The following NRG3 variants were observed in gnomAD, a reference collection of about 807,000 sequenced individuals.
NRG3 encodes neuregulin 3.
Under a neutral mutation model 66.9 loss-of-function variants are expected in NRG3, and 31 were observed. That is an observed-to-expected ratio of 0.46 (90% confidence interval 0.35 to 0.63). The LOEUF (loss-of-function observed/expected upper bound fraction) is 0.63, where lower values mean the gene tolerates loss of function less well. Ranked by LOEUF, NRG3 falls within the 20% of genes least tolerant of loss-of-function variation. The pLI is 0.00. For synonymous variants in NRG3, 393 were observed against 359.4 expected (o/e 1.09, Z -1.06); for missense variants, 910 against 878.9 (o/e 1.04, Z -0.45).
chr10:82,112,107 G>T (rs2067422540), intron 1 of NRG3, among the ~76,000 whole-genome samples: 1 of 152,124 alleles, frequency 6.6e-6, no homozygotes, highest in African/African-American at 2.4e-5. Context: ...AGCTGGGCAT[G>T]GTGGCACATG....
At chr10:82,463,755 T>C (rs1176265065) in intron 2 of NRG3, among the ~76,000 whole-genome samples, 2 of 152,202 alleles carry the variant, frequency 1.3e-5, no homozygotes. Flanking sequence ...CCAGAACCTA[T>C]GCATTTGTAC....
At chr10:82,666,808 T>C (rs2052824313) in intron 2 of NRG3, among the ~76,000 whole-genome samples, 1 of 152,228 alleles carries the variant, frequency 6.6e-6, no homozygotes, top group Admixed American at 6.5e-5. Flanking sequence ...AATCTGAAAA[T>C]AGAACACTTT....
At chr10:82,830,558 G>A (rs1363227511) in intron 3 of NRG3, among the ~76,000 whole-genome samples, 1 of 151,930 alleles carries the variant, frequency 6.6e-6, no homozygotes, top group Non-Finnish European at 1.5e-5. Context: ...GACTATACAT[G>A]TTCAATGGAT....
At chr10:82,941,811 C>T (rs1848593615) in intron 4 of NRG3, among the ~76,000 whole-genome samples, 1 of 152,088 alleles carries the variant, frequency 6.6e-6, no homozygotes, top group Non-Finnish European at 1.5e-5. Flanking sequence ...ACTTCAGGGC[C>T]TCAGATAATG....
At chr10:82,616,662 A>G (rs2133562755) in intron 2 of NRG3, among the ~76,000 whole-genome samples, 1 of 152,220 alleles carries the variant, frequency 6.6e-6, no homozygotes, top group East Asian at 1.9e-4. Flanking sequence ...ATAGCATTTT[A>G]TTGTTGTACT....
intron 1 of NRG3, among the ~76,000 whole-genome samples, chr10:82,153,478 A>C (rs1004090539): frequency 6.6e-6 from 1 of 151,060 alleles, no homozygotes; most frequent in African/African-American, 2.4e-5. Flanking sequence ...GGGCAATTAC[A>C]TTGCTTTTAT....
intron 2 of NRG3, among the ~76,000 whole-genome samples, chr10:82,553,296 C>T (rs945912116): frequency 5.3e-5 from 8 of 151,262 alleles, no homozygotes; most frequent in Non-Finnish European, 7.4e-5. Flanking sequence ...TAAAGACAAA[C>T]GAATAGGTAG....
chr10:81,895,949 C>T (rs1300143566), intron 1 of NRG3, among the ~76,000 whole-genome samples: 1 of 152,088 alleles, frequency 6.6e-6, no homozygotes, highest in Admixed American at 6.5e-5. Flanking sequence ...GAAATCATTA[C>T]TAGAGGGTAA....
intron 1 of NRG3, among the ~76,000 whole-genome samples, chr10:81,988,457 GTT>G (rs2060609812): frequency 6.6e-6 from 1 of 152,122 alleles, no homozygotes; most frequent in South Asian, 2.1e-4. Flanking sequence ...CATGGTTATT[GTT>G]ATTATTATTG....
intron 1 of NRG3, among the ~76,000 whole-genome samples, chr10:82,046,019 T>C (rs1002710683): frequency 3.5e-5 from 5 of 144,154 alleles, no homozygotes; most frequent in African/African-American, 1.0e-4. Flanking sequence ...CCAGGTTTGT[T>C]CTTTTGGCTT....
chr10:81,897,129 A>G (rs1843601385), intron 1 of NRG3, among the ~76,000 whole-genome samples: 1 of 152,144 alleles, frequency 6.6e-6, no homozygotes, highest in South Asian at 2.1e-4. Flanking sequence ...AAAGAGAAAA[A>G]TGGAAGTTCA....
Position 81,998,149 on chromosome 10 carries a change from A to T in NRG3, c.823+121986A>T, listed in dbSNP as rs549100028. Among the ~76,000 whole-genome samples, 6 of 152,292 alleles carry T rather than the reference A, an allele frequency of 3.9e-5. No individual in the cohort carries two copies. In the East Asian group the frequency reaches 1.2e-3, roughly 29 times the overall value. On this transcript the variant is annotated intron_variant, in intron 1 of 8. Coordinates refer to ENST00000372141, the MANE Select transcript of NRG3 (RefSeq NM_001010848.4). Reference sequence around the variant, plus strand: ...CAGTTGCAAGGATATTTTCAGTGTGATAAAGGGCGTAGTTTCCATTGGCTG... The same window carrying T: ...CAGTTGCAAGGATATTTTCAGTGTGTTAAAGGGCGTAGTTTCCATTGGCTG...
At chr10:82,960,232 A>G (rs1281701566) in intron 6 of NRG3, among the ~76,000 whole-genome samples, 1 of 152,224 alleles carries the variant, frequency 6.6e-6, no homozygotes, top group Non-Finnish European at 1.5e-5. Context: ...GGCAATGTGC[A>G]GGAATTGTTC....
At chr10:82,538,831 A>T (rs776540305) in intron 2 of NRG3, among the ~76,000 whole-genome samples, 1 of 152,202 alleles carries the variant, frequency 6.6e-6, no homozygotes, top group Non-Finnish European at 1.5e-5. Context: ...CAAACCATGT[A>T]TTAATAGGTA....
chr10:82,285,333 C>T (rs991561335), intron 1 of NRG3, among the ~76,000 whole-genome samples: 5 of 152,106 alleles, frequency 3.3e-5, no homozygotes, highest in African/African-American at 7.2e-5. Flanking sequence ...AAAGAGGAAT[C>T]GGGGCATTTT....
chr10:82,547,781 G>A (rs1473803436), intron 2 of NRG3, among the ~76,000 whole-genome samples: 1 of 152,062 alleles, frequency 6.6e-6, no homozygotes, highest in African/African-American at 2.4e-5. Flanking sequence ...GAACAGTCAG[G>A]GAAGTTATAG....
chr10:82,233,295 G>A (rs1255874110), intron 1 of NRG3, among the ~76,000 whole-genome samples: 3 of 152,160 alleles, frequency 2.0e-5, no homozygotes, highest in African/African-American at 7.2e-5. Context: ...TACCCGGGAG[G>A]CGGAGCTTGC....
intron 1 of NRG3, among the ~76,000 whole-genome samples, chr10:82,354,319 G>A (rs2083638611): frequency 6.6e-6 from 1 of 151,928 alleles, no homozygotes; most frequent in Non-Finnish European, 1.5e-5. Flanking sequence ...AGATACAGGT[G>A]TGAGCCAGAG....
In NRG3 at chr10:82,814,861, C is replaced by T. The variant is rs145108304; in HGVS notation, c.1028-50550C>T. On this transcript the variant is annotated intron_variant, in intron 3 of 8. Transcript: ENST00000372141. ...TCTGCTAAGCACTTTATGTGAGAGG[C>T]CTCCTTTAATCCTCACAACTCTGTG... 1.2e-4 allele frequency among the ~76,000 whole-genome samples: 18 copies of T among 152,250 alleles called. No homozygotes were observed. The East Asian group carries it at 3.5e-3, about 29-fold the overall frequency.
Sources: allele counts gnomAD v4.1 joint callset (sites outside exome capture counted in the v4.1 genomes callset), GRCh38; gene constraint gnomAD v4.1.1; transcripts MANE v1.5; gene names NCBI Gene and HGNC (gene_info 2026-07-23, HGNC 2026-07-21).